The following MCAM variants were observed in gnomAD, a reference collection of about 807,000 sequenced individuals.
The protein encoded by MCAM is cell surface glycoprotein MUC18.
MCAM carries 55 observed loss-of-function variants against 79.1 expected under a neutral mutation model. The observed-to-expected ratio is 0.70, with a 90% CI of 0.56 to 0.87. The LOEUF is 0.87. Ranked by LOEUF, MCAM falls within the 40% of genes least tolerant of loss-of-function variation. The probability of loss-of-function intolerance (pLI) is 0.00; values close to 1 mark genes in which losing one functional copy is unlikely to be tolerated. For synonymous variants in MCAM, 330 were observed against 339.8 expected (o/e 0.97, Z 0.32); for missense variants, 745 against 839.8 (o/e 0.89, Z 1.40).
chr11:119,310,177 TC>T, intron 15 of MCAM, 171 bp downstream of exon 15: 1 of 645,314 alleles, frequency 1.5e-6, no homozygotes, highest in Non-Finnish European at 2.7e-6. Context: ...TCCTCCAAGC[TC>T]CCTCAGCCAC....
Position 119,314,704 on chromosome 11 carries a change from G to C in MCAM, c.446C>G (p.Pro149Arg). The C allele has an allele frequency of 6.2e-7, 1 of 1,614,014 alleles. No individual in the cohort carries two copies. Among genetic ancestry groups the C allele is most frequent in the Non-Finnish European group, 8.5e-7 (1 of 1,179,992 alleles). ...PNIQVNPLGIPVNSKEPEEVA... is the reference protein window; with the variant it reads ...PNIQVNPLGIRVNSKEPEEVA... Reference sequence around the variant, plus strand: ...CTCCTCAGGCTCCTTACTGTTCACAGGGATGCCCAGGGGGTTGACCTGGAT... The same window carrying C: ...CTCCTCAGGCTCCTTACTGTTCACACGGATGCCCAGGGGGTTGACCTGGAT... Residue 149 changes from proline to arginine, a missense_variant, in exon 4 of 16, where the codon CCT (proline) becomes CGT (arginine). Pro to Arg is a moderately radical substitution (Grantham distance 103). Coordinates refer to ENST00000264036, the MANE Select transcript of MCAM (RefSeq NM_006500.3).
At position 119,311,151 on chromosome 11, in the gene MCAM, T is replaced by G. The variant is rs1950228251; in HGVS notation, c.1584A>C (p.Thr528=). ...NLTTLTPDSN[T]TTGLSTSTAS... Reference sequence around the variant, plus strand: ...CAGTGGAAGTGCTGAGGCCAGTGGTTGTGTTGGAGTCTGGTGTGAGGGTGG... The same window carrying G: ...CAGTGGAAGTGCTGAGGCCAGTGGTGGTGTTGGAGTCTGGTGTGAGGGTGG... The change falls in exon 13 of 16, where the codon ACA becomes ACC. Residue 528 remains threonine, a synonymous_variant. Transcript: ENST00000264036. The surrounding 1 kb of genome is among the most constrained non-coding windows in gnomAD (Gnocchi z 4.4). 1 of 1,614,024 alleles carries G rather than the reference T, an allele frequency of 6.2e-7. No individual in the cohort carries two copies. The highest frequency in any genetic ancestry group is 1.7e-5 in the Admixed American group (1 of 60,012).
At chr11:119,310,994 GC>G (rs1233316456) in intron 13 of MCAM, 91 bp from the exon 14 acceptor site, 1 of 1,613,610 alleles carries the variant, frequency 6.2e-7, no homozygotes, top group Non-Finnish European at 8.5e-7. Flanking sequence ...ACAAGATGGG[GC>G]TGCTACTCAC....
rs796209401 is a variant in MCAM at position 119,309,984 on chromosome 11, GGAA to G, written c.1912-72_1912-70del. ...TGAGTTGAAGGTGTGAGCACCGAGA[GGAA>G]GGAGAGATGGAAGCAGAAGCCGATG... On this transcript the variant is annotated intron_variant, in intron 15 of 15. Coordinates refer to ENST00000264036, the MANE Select transcript of MCAM (RefSeq NM_006500.3). 3.5e-5 allele frequency: 46 copies of G among 1,311,076 alleles called. No individual in the cohort carries two copies. In the African/African-American group the frequency reaches 4.8e-4, roughly 14 times the overall value. The allele number at this position is 1,311,076 out of a possible 1,614,324, so 81.2% of individuals were successfully genotyped here.
intron 13 of MCAM, 75 bp from the exon 14 acceptor site, chr11:119,310,978 G>A: frequency 6.2e-7 from 1 of 1,613,686 alleles, no homozygotes; most frequent in Non-Finnish European, 8.5e-7. Flanking sequence ...AGCCAGTCCA[G>A]GGCCGACAAG....
In MCAM at chr11:119,309,825, GAA is replaced by G; in HGVS notation, c.*59_*60del. 1 of 1,517,274 alleles carries G rather than the reference GAA, an allele frequency of 6.6e-7. No individual in the cohort carries two copies. 94.0% of individuals were successfully genotyped at this position (1,517,274 alleles called of 1,614,324 possible). ...GTCCCTTTGGAGGCTTTGGCTGAGA[GAA>G]GAGTGAGCAGGGAGCTGGGAATGGT... On this transcript the variant is annotated 3_prime_UTR_variant, in exon 16 of 16. Transcript: ENST00000264036.
In MCAM at chr11:119,316,998, C is replaced by T. The variant is rs1220615706; in HGVS notation, c.67+37G>A. The T allele has an allele frequency of 6.6e-6, 10 of 1,512,232 alleles. No individual in the cohort carries two copies. In the South Asian group the frequency reaches 9.6e-5, roughly 15 times the overall value. 93.7% of individuals were successfully genotyped at this position (1,512,232 alleles called of 1,614,324 possible). A position where few individuals can be genotyped will look rare whatever the true frequency, so the allele number is the denominator to read the frequency against. Reference sequence around the variant, plus strand: ...TCCCTGGCACGCTCCACCGCAGACCCCTAGCCGGGGCGCGGCCCCCCTGCG... The same window carrying T: ...TCCCTGGCACGCTCCACCGCAGACCTCTAGCCGGGGCGCGGCCCCCCTGCG... On this transcript the variant is annotated intron_variant, in intron 1 of 15. Coordinates refer to ENST00000264036, the MANE Select transcript of MCAM (RefSeq NM_006500.3). This position sits in a 1 kb window ranked among gnomAD's most constrained non-coding sequence, Gnocchi z 4.8.
In MCAM at chr11:119,315,445, CAGGA is replaced by C; in HGVS notation, c.68-186_68-183del. Reference sequence around the variant, plus strand: ...CACCTGGGCCAGCCCTCTCCCCGTCCAGGAGATCCCAGGTCCTTGGAGCCAAGCA... The same window carrying C: ...CACCTGGGCCAGCCCTCTCCCCGTCCGATCCCAGGTCCTTGGAGCCAAGCA... On this transcript the variant is annotated intron_variant, in intron 1 of 15. Coordinates refer to ENST00000264036, the MANE Select transcript of MCAM (RefSeq NM_006500.3). The surrounding 1 kb of genome is among the most constrained non-coding windows in gnomAD (Gnocchi z 4.4). The C allele has an allele frequency of 1.5e-6, 1 of 653,124 alleles. No individual in the cohort carries two copies. The highest frequency in any genetic ancestry group is 2.6e-6 in the Non-Finnish European group (1 of 385,714). The allele number at this position is 653,124 out of a possible 1,614,324, so 40.5% of individuals were successfully genotyped here.
In MCAM at chr11:119,312,563, A is replaced by C; in HGVS notation, c.825T>G (p.Asp275Glu). The C allele has an allele frequency of 6.2e-7, 1 of 1,614,134 alleles. No homozygotes were observed. Among genetic ancestry groups the C allele is most frequent in the Non-Finnish European group, 8.5e-7 (1 of 1,180,018 alleles). Reference protein sequence around the residue: ...GDRVEIRCLADGNPPPHFSIS... With the variant: ...GDRVEIRCLAEGNPPPHFSIS... ...TGCTGAAGTGTGGTGGAGGGTTGCCATCAGCCAAACACCTGATTTCCACGC... is the reference window on the plus strand; with the variant it reads ...TGCTGAAGTGTGGTGGAGGGTTGCCCTCAGCCAAACACCTGATTTCCACGC... Residue 275 changes from aspartate to glutamate, a missense_variant, in exon 7 of 16, where the codon GAT becomes GAG. Asp to Glu is a conservative substitution (Grantham distance 45, BLOSUM62 2). Transcript: ENST00000264036. This position sits in a 1 kb window ranked among gnomAD's most constrained non-coding sequence, Gnocchi z 4.9.
rs1255990784 is a variant in MCAM at position 119,312,546 on chromosome 11, TGTG to T, written c.839_841del (p.Pro280del). ...CCACACCTGCTTGCTGATGCTGAAGTGTGGTGGAGGGTTGCCATCAGCCAAACA... is the reference window on the plus strand; with the variant it reads ...CCACACCTGCTTGCTGATGCTGAAGTGTGGAGGGTTGCCATCAGCCAAACA... On this transcript the variant is annotated inframe_deletion, in exon 7 of 16. Transcript: ENST00000264036. The surrounding 1 kb of genome is among the most constrained non-coding windows in gnomAD (Gnocchi z 4.9). 1.9e-6 allele frequency: 3 copies of T among 1,613,982 alleles called. No homozygotes were observed. Among genetic ancestry groups the T allele is most frequent in the Non-Finnish European group, 2.5e-6 (3 of 1,180,024 alleles).
intron 5 of MCAM, chr11:119,313,860 G>A (rs1047854330): frequency 2.4e-5 from 17 of 710,858 alleles, no homozygotes; most frequent in Non-Finnish European, 2.6e-5. Context: ...TATCTCCTAG[G>A]AGGAGGGGGT....
rs756862205 is a variant in MCAM at position 119,315,024 on chromosome 11, C to T, written c.209G>A (p.Arg70Gln). 3.1e-6 allele frequency: 5 copies of T among 1,608,354 alleles called. No homozygotes were observed. The Admixed American group carries it at 5.0e-5, about 16-fold the overall frequency. Residue 70 changes from arginine to glutamine, a missense_variant, in exon 3 of 16, where the codon CGG becomes CAG. Transcript: ENST00000264036. The surrounding 1 kb of genome is among the most constrained non-coding windows in gnomAD (Gnocchi z 4.4). ...VDWFSVHKEK[R>Q]TLIFRVRQGQ... The stretch of plus-strand genomic sequence containing the variant: ...CTGGCGCACACGGAAGATGAGCGTC[C>T]GCTTCTCCTTGTGGACCTAATGGGA...
In MCAM at chr11:119,312,189, T is replaced by C; in HGVS notation, c.1025-19A>G. ...GACACATCTGGGGGTACAGCAATCA[T>C]GTCACCCAGGGCAGGGTGGGGCCAG... On this transcript the variant is annotated intron_variant, in intron 8 of 15. Coordinates refer to ENST00000264036, the MANE Select transcript of MCAM (RefSeq NM_006500.3). The surrounding 1 kb of genome is among the most constrained non-coding windows in gnomAD (Gnocchi z 4.9). The C allele has an allele frequency of 1.9e-6, 3 of 1,610,918 alleles. No individual in the cohort carries two copies. The highest frequency in any genetic ancestry group is 2.5e-6 in the Non-Finnish European group (3 of 1,177,994).
At position 119,312,789 on chromosome 11, in the gene MCAM, T is replaced by A. The variant is rs778411997; in HGVS notation, c.720A>T (p.Glu240Asp). The A allele has an allele frequency of 6.2e-7, 1 of 1,614,142 alleles. No homozygotes were observed. The highest frequency in any genetic ancestry group is 8.5e-7 in the Non-Finnish European group (1 of 1,180,000). The part of the protein sequence containing the change: ...PSGNHMKESR[E>D]VTVPVFYPTE... ...ACTCACAGAAAACAGGGACGGTGAC[T>A]TCCCTGGACTCCTTCATGTGGTTCC... The change falls in exon 6 of 16, where the codon GAA (glutamate) becomes GAT (aspartate). Residue 240 changes from glutamate to aspartate, a missense_variant. By Grantham distance (45) the Glu-to-Asp change is conservative (BLOSUM62 2). Coordinates refer to ENST00000264036, the MANE Select transcript of MCAM (RefSeq NM_006500.3). This position sits in a 1 kb window ranked among gnomAD's most constrained non-coding sequence, Gnocchi z 4.9.
intron 5 of MCAM, chr11:119,313,379 T>C: frequency 1.6e-6 from 2 of 1,222,222 alleles, no homozygotes; most frequent in Non-Finnish European, 2.1e-6. Flanking sequence ...GACCAGGGTT[T>C]CTCAGCACTA....
Position 119,312,219 on chromosome 11 carries a change from C to T in MCAM, c.1024+47G>A, listed in dbSNP as rs779350513. Reference sequence around the variant, plus strand: ...CCCAGGGCAGGGTGGGGCCAGTTCCCTATTGCCCCAGCCTGGTCCCCCTGT... The same window carrying T: ...CCCAGGGCAGGGTGGGGCCAGTTCCTTATTGCCCCAGCCTGGTCCCCCTGT... On this transcript the variant is annotated intron_variant, in intron 8 of 15. Coordinates refer to ENST00000264036, the MANE Select transcript of MCAM (RefSeq NM_006500.3). The surrounding 1 kb of genome is among the most constrained non-coding windows in gnomAD (Gnocchi z 4.9). The T allele has an allele frequency of 6.2e-7, 1 of 1,611,912 alleles. No individual in the cohort carries two copies. The highest frequency in any genetic ancestry group is 8.5e-7 in the Non-Finnish European group (1 of 1,178,498).
rs1300444193 is a variant in MCAM at position 119,315,307 on chromosome 11, C to A, written c.68-44G>T. The A allele has an allele frequency of 6.3e-7, 1 of 1,578,098 alleles. No individual in the cohort carries two copies. The highest frequency in any genetic ancestry group is 8.6e-7 in the Non-Finnish European group (1 of 1,166,742). ...GCCCCCGCAGCTGTGTCAGCTCCGG[C>A]TGCTGTCCGCCCCTCCCCTCGCAGC... On this transcript the variant is annotated intron_variant, in intron 1 of 15. Transcript: ENST00000264036. This position sits in a 1 kb window ranked among gnomAD's most constrained non-coding sequence, Gnocchi z 4.4.
intron 5 of MCAM, chr11:119,314,022 G>T (rs994593737): frequency 2.1e-5 from 21 of 982,828 alleles, no homozygotes; most frequent in African/African-American, 7.0e-5. Flanking sequence ...GGGAGGGGGG[G>T]TCTCAGGCAA....
rs368133346 is a variant in MCAM, at chr11:119,314,878, T to C, written c.355A>G (p.Lys119Glu). The C allele has an allele frequency of 2.5e-6, 4 of 1,613,394 alleles. No individual in the cohort carries two copies. In the African/African-American group the frequency reaches 5.3e-5, roughly 22 times the overall value. ...CGGTACTCCTGGGACCGAGGGCGCT[T>C]GCCCTGGCACAAGAAGATGCGCTCG... ...QDERIFLCQG[K>E]RPRSQEYRIQ... The change falls in exon 3 of 16, where the codon AAG becomes GAG. Residue 119 changes from lysine to glutamate, a missense_variant. Lys to Glu is a moderately conservative substitution (Grantham distance 56). Coordinates refer to ENST00000264036, the MANE Select transcript of MCAM (RefSeq NM_006500.3).
Sources: allele counts gnomAD v4.1 joint callset, GRCh38; gene constraint gnomAD v4.1.1; non-coding constraint Gnocchi (gnomAD v3.1); transcripts MANE v1.5; gene names NCBI Gene and HGNC (gene_info 2026-07-23, HGNC 2026-07-21).